RFTN1: variants seen among roughly 807,000 people sequenced by gnomAD.
The protein encoded by RFTN1 is raftlin, lipid raft linker 1.
In RFTN1, 26 loss-of-function variants were observed where a neutral mutation model predicts 46.5. That is an observed-to-expected ratio of 0.56 (90% CI 0.41 to 0.78). The LOEUF (loss-of-function observed/expected upper bound fraction) is 0.78, where lower values mean the gene tolerates loss of function less well. Among genes scored for constraint, RFTN1 ranks in the 30% least tolerant of loss-of-function variants. The pLI is 0.00. For synonymous variants in RFTN1, 261 were observed against 284.2 expected (o/e 0.92, Z 0.82); for missense variants, 693 against 718.7 (o/e 0.96, Z 0.41).
At position 16,418,884 on chromosome 3, in the gene RFTN1, T is replaced by G. The variant is rs2075134748; in HGVS notation, c.333-9401A>C. On this transcript the variant is annotated intron_variant, in intron 3 of 9. Transcript: ENST00000334133. The surrounding 1 kb of genome is among the most constrained non-coding windows in gnomAD (Gnocchi z 5.0). ...AGGGATTGAAGGCACTGCCCTCAAGTCTAGATCCTGCCCTCAAGTCTAGAT... is the reference window on the plus strand; with the variant it reads ...AGGGATTGAAGGCACTGCCCTCAAGGCTAGATCCTGCCCTCAAGTCTAGAT... Among the ~76,000 whole-genome samples, 2 of 152,144 alleles carry G rather than the reference T, an allele frequency of 1.3e-5. No homozygotes were observed.
chr3:16,441,121 T>A (rs562521398), intron 2 of RFTN1, among the ~76,000 whole-genome samples: 2 of 150,332 alleles, frequency 1.3e-5, no homozygotes, highest in Non-Finnish European at 2.9e-5. Context: ...TTGGAAATAT[T>A]TTTTTTTATT....
chr3:16,333,717 C>T (rs2070555174), intron 7 of RFTN1, among the ~76,000 whole-genome samples: 1 of 151,566 alleles, frequency 6.6e-6, no homozygotes, highest in African/African-American at 2.4e-5. Context: ...GTTTGCAGCT[C>T]ATATTACAGA....
At position 16,318,321 on chromosome 3, in the gene RFTN1, A is replaced by G. The variant is rs76831594; in HGVS notation, c.1333-1089T>C. Among the ~76,000 whole-genome samples the G allele has an allele frequency of 4.7e-3, 714 of 152,176 alleles. 6 individuals are homozygous for G. The highest frequency in any genetic ancestry group is 0.017 in the African/African-American group (687 of 41,504). On this transcript the variant is annotated intron_variant, in intron 9 of 9. Coordinates refer to ENST00000334133, the MANE Select transcript of RFTN1 (RefSeq NM_015150.2). ...ATCTCATTGGTTTCACCAAATACGC[A>G]CTTAAATCTTAGACATTATATAATT... is the stretch of plus-strand genomic sequence containing the variant.
chr3:16,360,254 C>A (rs1363610622), intron 6 of RFTN1, among the ~76,000 whole-genome samples: 1 of 152,052 alleles, frequency 6.6e-6, no homozygotes, highest in Non-Finnish European at 1.5e-5. Context: ...TCACTGCAGC[C>A]TCAACCTCCT....
At chr3:16,350,547 C>T (rs1429684269) in intron 7 of RFTN1, among the ~76,000 whole-genome samples, 1 of 151,036 alleles carries the variant, frequency 6.6e-6, no homozygotes, top group Non-Finnish European at 1.5e-5. Flanking sequence ...ATTCTGTAAA[C>T]AGGTGTGTAA....
rs531627377 is a variant in RFTN1, at chr3:16,319,842, C to G, written c.1333-2610G>C. Among the ~76,000 whole-genome samples, 3 of 152,328 alleles carry G rather than the reference C, an allele frequency of 2.0e-5. No individual in the cohort carries two copies. In the South Asian group the frequency reaches 6.2e-4, roughly 32 times the overall value. On this transcript the variant is annotated intron_variant, in intron 9 of 9. Transcript: ENST00000334133. ...ATTTCAGTTGAGCCTCTGAGGTGAG[C>G]TCTGACATCCACACCACTTAAAGGC...
In RFTN1 at chr3:16,322,760, G is replaced by T. The variant is rs146859367; in HGVS notation, c.1332+616C>A. Among the ~76,000 whole-genome samples, 1 of 152,168 alleles carries T rather than the reference G, an allele frequency of 6.6e-6. No homozygotes were observed. The highest frequency in any genetic ancestry group is 1.5e-5 in the Non-Finnish European group (1 of 68,032). ...TCTCTGAGAAGGCCAGTCTCTGTGC[G>T]ACTGTTTCTAGGGTAGTTCAGAGTC... On this transcript the variant is annotated intron_variant, in intron 9 of 9. Transcript: ENST00000334133. This position sits in a 1 kb window ranked among gnomAD's most constrained non-coding sequence, Gnocchi z 6.2.
rs1293692150 is a variant in RFTN1 at position 16,380,736 on chromosome 3, A to C, written c.442-2634T>G. Among the ~76,000 whole-genome samples, 2 of 152,184 alleles carry C rather than the reference A, an allele frequency of 1.3e-5. No homozygotes were observed. The highest frequency in any genetic ancestry group is 4.8e-5 in the African/African-American group (2 of 41,460). On this transcript the variant is annotated intron_variant, in intron 4 of 9. Coordinates refer to ENST00000334133, the MANE Select transcript of RFTN1 (RefSeq NM_015150.2). The surrounding 1 kb of genome is among the most constrained non-coding windows in gnomAD (Gnocchi z 4.8). ...CTCCGAGTGATTCCAATGCAGCCTG[A>C]TGTTTGAGAATCACTGCTCTAGAAT...
chr3:16,398,494 A>C (rs1011839465), intron 4 of RFTN1, among the ~76,000 whole-genome samples: 1 of 152,162 alleles, frequency 6.6e-6, no homozygotes, highest in African/African-American at 2.4e-5. Context: ...GTTCAGAGAC[A>C]ACAGGGGCCA....
At chr3:16,366,363 C>T (rs1222664024) in intron 6 of RFTN1, among the ~76,000 whole-genome samples, 1 of 152,208 alleles carries the variant, frequency 6.6e-6, no homozygotes, top group Admixed American at 6.5e-5. Flanking sequence ...TGGTCTTTCC[C>T]ATCCTCTAGA....
chr3:16,434,798 CA>C, intron 2 of RFTN1: 1 of 152,154 alleles, frequency 6.6e-6, no homozygotes, highest in East Asian at 1.9e-4. Flanking sequence ...ACCCTTAAGA[CA>C]AAGGGCTAAT....
Position 16,345,525 on chromosome 3 carries a change from C to T in RFTN1, c.1146+12407G>A, listed in dbSNP as rs2071596639. Among the ~76,000 whole-genome samples the T allele has an allele frequency of 6.6e-6, 1 of 152,092 alleles. No individual in the cohort carries two copies. The highest frequency in any genetic ancestry group is 2.4e-5 in the African/African-American group (1 of 41,408). On this transcript the variant is annotated intron_variant, in intron 7 of 9. Transcript: ENST00000334133. This position sits in a 1 kb window ranked among gnomAD's most constrained non-coding sequence, Gnocchi z 5.2. The stretch of plus-strand genomic sequence containing the variant: ...CCAGTGTGGGTGGACACCATCCAGT[C>T]ATTGAGGACCTGAACAGAACAAAGG...
chr3:16,458,289 G>A lies in RFTN1; in HGVS notation c.146-24252C>T, dbSNP rs1465333991. On this transcript the variant is annotated intron_variant, in intron 2 of 9. Coordinates refer to ENST00000334133, the MANE Select transcript of RFTN1 (RefSeq NM_015150.2). This position sits in a 1 kb window ranked among gnomAD's most constrained non-coding sequence, Gnocchi z 5.1. The stretch of plus-strand genomic sequence containing the variant: ...TACAAAGCCAGCAGGGGCAAGCATG[G>A]AAATAGATTGCTGCAGCATGTTCTG... 1.3e-5 allele frequency among the ~76,000 whole-genome samples: 2 copies of A among 152,200 alleles called. No individual in the cohort carries two copies. The highest frequency in any genetic ancestry group is 1.3e-4 in the Admixed American group (2 of 15,284).
chr3:16,492,467 TA>T (rs2076552228), intron 2 of RFTN1, among the ~76,000 whole-genome samples: 1 of 152,162 alleles, frequency 6.6e-6, no homozygotes, highest in African/African-American at 2.4e-5. Context: ...GACACTGCTA[TA>T]GATGAGGACA....
intron 6 of RFTN1, among the ~76,000 whole-genome samples, chr3:16,367,666 A>ACAGTATTT (rs755452619): frequency 3.0e-4 from 41 of 136,298 alleles, no homozygotes; most frequent in Admixed American, 2.3e-3. Flanking sequence ...GGAGGCTATA[A>ACAGTATTT]CAGTATTTCA....
At chr3:16,453,633 A>C (rs1002939361) in intron 2 of RFTN1, among the ~76,000 whole-genome samples, 23 of 152,226 alleles carry the variant, frequency 1.5e-4, no homozygotes, top group African/African-American at 5.3e-4. Flanking sequence ...CAGTGAATTT[A>C]GTGGTATAAT....
At chr3:16,510,325 C>T (rs527847155) in intron 1 of RFTN1, among the ~76,000 whole-genome samples, 2 of 152,342 alleles carry the variant, frequency 1.3e-5, no homozygotes, top group Admixed American at 6.5e-5. Context: ...AGTTTCTAGG[C>T]AGAAGCTTAG....
At position 16,387,084 on chromosome 3, in the gene RFTN1, CAG is replaced by C. The variant is rs1476601782; in HGVS notation, c.442-8984_442-8983del. On this transcript the variant is annotated intron_variant, in intron 4 of 9. Coordinates refer to ENST00000334133, the MANE Select transcript of RFTN1 (RefSeq NM_015150.2). The surrounding 1 kb of genome is among the most constrained non-coding windows in gnomAD (Gnocchi z 5.2). ...CCAGAAAGCTGCTTTAAGAGGCACACAGATGAGTGTTCCTTCTCTTCCTTCCC... is the reference window on the plus strand; with the variant it reads ...CCAGAAAGCTGCTTTAAGAGGCACACATGAGTGTTCCTTCTCTTCCTTCCC... Among the ~76,000 whole-genome samples, 1 of 152,244 alleles carries C rather than the reference CAG, an allele frequency of 6.6e-6. No individual in the cohort carries two copies. Among genetic ancestry groups the C allele is most frequent in the Non-Finnish European group, 1.5e-5 (1 of 68,046 alleles).
intron 1 of RFTN1, among the ~76,000 whole-genome samples, chr3:16,508,739 A>G (rs945942570): frequency 7.9e-5 from 12 of 152,132 alleles, no homozygotes; most frequent in African/African-American, 2.9e-4. Flanking sequence ...TAAAAGGTAA[A>G]CACAAAAGCA....
Sources: gnomAD v4.1 joint callset for allele counts (sites outside exome capture counted in the v4.1 genomes callset) on GRCh38, gnomAD v4.1.1 for gene constraint, Gnocchi (gnomAD v3.1) non-coding constraint, MANE v1.5 for transcripts, NCBI Gene and HGNC (gene_info 2026-07-23, HGNC 2026-07-21) for gene names.